KCNMB4: variants seen among roughly 807,000 people sequenced by gnomAD.
The protein encoded by KCNMB4 is calcium-activated potassium channel subunit beta-4.
KCNMB4 carries 3 observed loss-of-function variants against 20.7 expected under a neutral mutation model. That is an observed-to-expected ratio of 0.14 (90% CI 0.07 to 0.37). KCNMB4 has a LOEUF of 0.37. Ranked by LOEUF, KCNMB4 falls within the 10% of genes least tolerant of loss-of-function variation. KCNMB4 has a pLI of 1.00. For synonymous variants in KCNMB4, 110 were observed against 113.4 expected, an observed-to-expected ratio of 0.97 and a Z score of 0.19; for missense variants, 168 against 265.9, an observed-to-expected ratio of 0.63 and a Z score of 2.56.
intron 1 of KCNMB4, among the ~76,000 whole-genome samples, chr12:70,379,004 T>C (rs1014447321): frequency 2.0e-5 from 3 of 152,186 alleles, no homozygotes; most frequent in African/African-American, 7.2e-5. Context: ...GCAGTAGTAT[T>C]TTGAAAGGAA....
intron 1 of KCNMB4, among the ~76,000 whole-genome samples, chr12:70,377,518 G>A (rs1372612972): frequency 2.0e-5 from 3 of 152,234 alleles, no homozygotes; most frequent in Admixed American, 1.3e-4. Flanking sequence ...ATCATGCCTC[G>A]ATGTTGATGG....
intron 1 of KCNMB4, among the ~76,000 whole-genome samples, chr12:70,391,399 C>T (rs973661067): frequency 6.6e-6 from 1 of 151,970 alleles, no homozygotes; most frequent in Non-Finnish European, 1.5e-5. Flanking sequence ...AACTCCAGGG[C>T]TCAAGCTATC....
At chr12:70,377,762 A>C (rs761222780) in intron 1 of KCNMB4, among the ~76,000 whole-genome samples, 6 of 152,174 alleles carry the variant, frequency 3.9e-5, no homozygotes, top group Non-Finnish European at 8.8e-5. Context: ...ATCTAGGTTA[A>C]TTGTTGTCAT....
At chr12:70,402,741 T>A (rs997167802) in intron 2 of KCNMB4, among the ~76,000 whole-genome samples, 1 of 151,532 alleles carries the variant, frequency 6.6e-6, no homozygotes. Context: ...GGTTGTTTGA[T>A]GCAATGACTT....
chr12:70,376,113 G>GA lies in KCNMB4; in HGVS notation c.336+9050dup, dbSNP rs540383041. Among the ~76,000 whole-genome samples, 6 of 143,216 alleles carry GA rather than the reference G, an allele frequency of 4.2e-5. No homozygotes were observed. The East Asian group carries it at 6.2e-4, about 15-fold the overall frequency. The allele number at this position is 143,216 out of a possible 152,430, so 94.0% of individuals were successfully genotyped here. ...AAGCATAATTATCTCAGTATATGGA[G>GA]AAAAAAACATTGACAAAATTTAACA... On this transcript the variant is annotated intron_variant, in intron 1 of 2. Coordinates refer to ENST00000258111, the MANE Select transcript of KCNMB4 (RefSeq NM_014505.6).
Position 70,366,785 on chromosome 12 carries a change from C to T in KCNMB4, c.51C>T (p.Ser17=). 6.2e-7 allele frequency: 1 copy of T among 1,611,972 alleles called. No individual in the cohort carries two copies. The highest frequency in any genetic ancestry group is 8.5e-7 in the Non-Finnish European group (1 of 1,179,838). The change falls in exon 1 of 3, where the codon AGC becomes AGT. Residue 17 remains serine (S), a synonymous_variant. Coordinates refer to ENST00000258111, the MANE Select transcript of KCNMB4 (RefSeq NM_014505.6). ...AYEYTEAEDK[S]IRLGLFLIIS... Reference sequence around the variant, plus strand: ...AGTACACGGAAGCCGAGGACAAGAGCATCCGGCTCGGCTTGTTTCTCATCA... The same window carrying T: ...AGTACACGGAAGCCGAGGACAAGAGTATCCGGCTCGGCTTGTTTCTCATCA...
At chr12:70,429,311 C>G (rs1408887427) in intron 2 of KCNMB4, among the ~76,000 whole-genome samples, 1 of 152,162 alleles carries the variant, frequency 6.6e-6, no homozygotes, top group Non-Finnish European at 1.5e-5. Context: ...TCTAGTGTAG[C>G]AGGGCAAACC....
chr12:70,419,398 T>TTAAA (rs1225938637), intron 2 of KCNMB4, among the ~76,000 whole-genome samples: 19 of 152,264 alleles, frequency 1.2e-4, no homozygotes, highest in African/African-American at 4.3e-4. Context: ...AATGTGGGTT[T>TTAAA]TAAAGAATAG....
intron 2 of KCNMB4, among the ~76,000 whole-genome samples, chr12:70,406,646 G>C (rs1253994555): frequency 6.6e-6 from 1 of 152,156 alleles, no homozygotes; most frequent in African/African-American, 2.4e-5. Flanking sequence ...GCTTGAGCTT[G>C]CAGTTGGAGG....
chr12:70,396,523 C>A (rs961762811), intron 1 of KCNMB4, among the ~76,000 whole-genome samples: 1 of 152,154 alleles, frequency 6.6e-6, no homozygotes, highest in African/African-American at 2.4e-5. Flanking sequence ...CCAGGCTGGT[C>A]TCAAACTCCT....
intron 2 of KCNMB4, among the ~76,000 whole-genome samples, chr12:70,425,189 C>T (rs1042403111): frequency 1.3e-5 from 2 of 152,128 alleles, no homozygotes; most frequent in Non-Finnish European, 2.9e-5. Flanking sequence ...GTAATCCCAG[C>T]ACTTAGAGAG....
chr12:70,410,261 C>T (rs1868735587), intron 2 of KCNMB4, among the ~76,000 whole-genome samples: 2 of 152,302 alleles, frequency 1.3e-5, no homozygotes, highest in South Asian at 2.1e-4. Flanking sequence ...ATAATTCCTA[C>T]AAAAGTGTTT....
At position 70,434,223 on chromosome 12, in the gene KCNMB4, A is replaced by G. The variant is rs1187506318; in HGVS notation, c.*3570A>G. 2 of 151,890 alleles carry G rather than the reference A, an allele frequency of 1.3e-5. No homozygotes were observed. Among genetic ancestry groups the G allele is most frequent in the Admixed American group, 1.3e-4 (2 of 15,228 alleles). 9.4% of individuals were successfully genotyped at this position (151,890 alleles called of 1,614,324 possible). A position where few individuals can be genotyped will look rare whatever the true frequency, so the allele number is the denominator to read the frequency against. On this transcript the variant is annotated 3_prime_UTR_variant, in exon 3 of 3. Transcript: ENST00000258111. ...GCCAAACCAATTAAGCCGTTTCTCG[A>G]CCCTCCTGGGAGCCTGCCCTATCTC...
intron 2 of KCNMB4, among the ~76,000 whole-genome samples, chr12:70,412,899 A>T (rs10879136): frequency 0.44 from 66,468 of 152,068 alleles, 14,630 homozygotes; most frequent in East Asian, 0.54. Context: ...ACTGGTTCTA[A>T]GGCTATTTTT....
At chr12:70,386,962 A>G (rs1325866155) in intron 1 of KCNMB4, among the ~76,000 whole-genome samples, 1 of 152,200 alleles carries the variant, frequency 6.6e-6, no homozygotes, top group Non-Finnish European at 1.5e-5. Flanking sequence ...AAGATAGAGT[A>G]TAGAGAATAT....
intron 2 of KCNMB4, among the ~76,000 whole-genome samples, chr12:70,425,586 C>G (rs1466441025): frequency 2.0e-5 from 3 of 152,216 alleles, no homozygotes; most frequent in Non-Finnish European, 2.9e-5. Flanking sequence ...TGTTTATACA[C>G]TTGACATTTC....
rs1869383319 is a variant in KCNMB4 at position 70,432,104 on chromosome 12, A to G, written c.*1451A>G. 1.4e-5 allele frequency: 2 copies of G among 144,572 alleles called. No individual in the cohort carries two copies. Among genetic ancestry groups the G allele is most frequent in the African/African-American group, 5.2e-5 (2 of 38,666 alleles). 9.0% of individuals were successfully genotyped at this position (144,572 alleles called of 1,614,324 possible). A position where few individuals can be genotyped will look rare whatever the true frequency, so the allele number is the denominator to read the frequency against. On this transcript the variant is annotated 3_prime_UTR_variant, in exon 3 of 3. Coordinates refer to ENST00000258111, the MANE Select transcript of KCNMB4 (RefSeq NM_014505.6). The stretch of plus-strand genomic sequence containing the variant: ...GAGTGCAGTGGCACGATCTCGGCTC[A>G]CTACAGTCTCCACCTCCTGGGTTCA...
At position 70,386,594 on chromosome 12, in the gene KCNMB4, G is replaced by T. The variant is rs12305011; in HGVS notation, c.337-13615G>T. On this transcript the variant is annotated intron_variant, in intron 1 of 2. Transcript: ENST00000258111. ...TTGTAGCCTTTTTGTTTGTTTGTTT[G>T]TTGTTTTTTTTTTTTTTAAGGAGAT... Among the ~76,000 whole-genome samples, 173 of 145,540 alleles carry T rather than the reference G, an allele frequency of 1.2e-3. 2 individuals carry two copies. The highest frequency in any genetic ancestry group is 3.6e-3 in the Middle Eastern group (1 of 280).
chr12:70,409,429 C>T (rs1441496561), intron 2 of KCNMB4, among the ~76,000 whole-genome samples: 1 of 152,210 alleles, frequency 6.6e-6, no homozygotes, highest in African/African-American at 2.4e-5. Flanking sequence ...TTTCTGCCTT[C>T]TTCTTATCTA....
Sources: gnomAD v4.1 joint callset for allele counts (sites outside exome capture counted in the v4.1 genomes callset) on GRCh38, gnomAD v4.1.1 for gene constraint, MANE v1.5 for transcripts, NCBI Gene and HGNC (gene_info 2026-07-23, HGNC 2026-07-21) for gene names.